Variants in RNF157 observed in about 807,000 individuals in gnomAD.
The protein encoded by RNF157 is ring finger protein 157.
In RNF157, 55 loss-of-function variants were observed where a neutral mutation model predicts 88.3. That is an observed-to-expected ratio of 0.62 (90% CI 0.50 to 0.78). The LOEUF is 0.78. Among genes scored for constraint, RNF157 ranks in the 30% least tolerant of loss-of-function variants. RNF157 has a pLI of 0.00. For missense variants in RNF157, 788 were observed against 860.8 expected (o/e 0.92, Z 1.06); for synonymous variants, 334 against 341.2 (o/e 0.98, Z 0.23).
intron 13 of RNF157, among the ~76,000 whole-genome samples, chr17:76,156,670 C>T (rs369281426): frequency 2.0e-5 from 3 of 152,200 alleles, no homozygotes; most frequent in Admixed American, 6.5e-5. Context: ...TTTCCTTCTG[C>T]GGCAAAAGCA....
At chr17:76,231,221 T>C (rs983128053) in intron 1 of RNF157, among the ~76,000 whole-genome samples, 1 of 152,094 alleles carries the variant, frequency 6.6e-6, no homozygotes, top group African/African-American at 2.4e-5. Context: ...ATGGTCTCGA[T>C]CTCCTGACCT....
intron 1 of RNF157, among the ~76,000 whole-genome samples, chr17:76,233,172 A>G: frequency 6.6e-6 from 1 of 152,074 alleles, no homozygotes; most frequent in East Asian, 1.9e-4. Flanking sequence ...CACCTGCCTC[A>G]GCCTCCCAAA....
intron 17 of RNF157, chr17:76,153,372 T>C (rs190757469): frequency 1.3e-5 from 2 of 152,352 alleles, no homozygotes; most frequent in East Asian, 3.9e-4. Context: ...CTTGGCCAGG[T>C]GGGAGCCGTC....
Position 76,159,393 on chromosome 17 carries a change from G to T in RNF157, c.1246C>A (p.Leu416Ile). Residue 416 changes from leucine (L) to isoleucine (I), a missense_variant, in exon 12 of 19, where the codon CTT (leucine) becomes ATT (isoleucine). Transcript: ENST00000269391. Reference protein sequence around the residue: ...HLPPVRTISPLDRLSDSSSQG... With the variant: ...HLPPVRTISPIDRLSDSSSQG... ...CTGCTGCTGTCAGACAGGCGGTCAA[G>T]AGGCGAGATCGTCCTGACGGGGGGC... 6.2e-7 allele frequency: 1 copy of T among 1,613,472 alleles called. No homozygotes were observed.
rs1228211169 is a variant in RNF157 at position 76,158,445 on chromosome 17, C to T, written c.1361G>A (p.Ser454Asn). The T allele has an allele frequency of 1.2e-6, 2 of 1,613,864 alleles. No homozygotes were observed. Among genetic ancestry groups the T allele is most frequent in the Non-Finnish European group, 1.7e-6 (2 of 1,179,948 alleles). Residue 454 changes from serine (S) to asparagine (N), a missense_variant, in exon 13 of 19, where the codon AGC becomes AAC. Physicochemically the swap from Ser to Asn is conservative, Grantham distance 46. Coordinates refer to ENST00000269391, the MANE Select transcript of RNF157 (RefSeq NM_052916.3). Reference protein sequence around the residue: ...LHEEEDEHSCSESETQLSQRP... With the variant: ...LHEEEDEHSCNESETQLSQRP... ...CTGAGAGAGCTGTGTCTCCGACTCG[C>T]TGCAGGAATGCTCATCTTCCTCTTC...
intron 2 of RNF157, among the ~76,000 whole-genome samples, chr17:76,205,681 T>G (rs1246248790): frequency 2.6e-5 from 4 of 151,914 alleles, no homozygotes; most frequent in Non-Finnish European, 4.4e-5. Context: ...GCCAAGATCG[T>G]GCCACTGCAC....
At chr17:76,239,294 T>C (rs1014840290) in intron 1 of RNF157, among the ~76,000 whole-genome samples, 1 of 152,228 alleles carries the variant, frequency 6.6e-6, no homozygotes, top group African/African-American at 2.4e-5. Flanking sequence ...CTTGTGATTC[T>C]CTGCTTTGCT....
rs528712711 is a variant in RNF157, at chr17:76,195,974, C to G, written c.207+16390G>C. On this transcript the variant is annotated intron_variant, in intron 2 of 18. Transcript: ENST00000269391. This position sits in a 1 kb window ranked among gnomAD's most constrained non-coding sequence, Gnocchi z 4.4. ...CTTTCATGGCAATGACCCAATGACC[C>G]GGAAGGTACTATCCTTCTTGAAATT... 2.8e-4 allele frequency among the ~76,000 whole-genome samples: 43 copies of G among 152,278 alleles called. No individual in the cohort carries two copies. Among genetic ancestry groups the G allele is most frequent in the African/African-American group, 1.0e-3 (42 of 41,552 alleles).
intron 1 of RNF157, among the ~76,000 whole-genome samples, chr17:76,223,603 T>C (rs2070027245): frequency 6.6e-6 from 1 of 152,180 alleles, no homozygotes; most frequent in Non-Finnish European, 1.5e-5. Flanking sequence ...AAACCCAAAT[T>C]TTTTTCTTTC....
At chr17:76,155,908 A>G (rs571209335) in intron 14 of RNF157, among the ~76,000 whole-genome samples, 174 bp from the exon 15 acceptor site, 17 of 152,290 alleles carry the variant, frequency 1.1e-4, no homozygotes, top group African/African-American at 3.6e-4. Flanking sequence ...CTGCTCCTTT[A>G]TATTTTAGAG....
intron 18 of RNF157, among the ~76,000 whole-genome samples, chr17:76,151,291 A>AG (rs911274453): frequency 8.5e-5 from 13 of 152,256 alleles, no homozygotes; most frequent in Admixed American, 2.0e-4. Flanking sequence ...GAAGGGCTGG[A>AG]GAAAGTATCT....
In RNF157 at chr17:76,143,678, C is replaced by G. The variant is rs932518780; in HGVS notation, c.*1557G>C. On this transcript the variant is annotated 3_prime_UTR_variant, in exon 19 of 19. Transcript: ENST00000269391. ...ACTAGGCAGTGAGACAGTCACTGCA[C>G]TCCTGGCCTCTGCAGCCACACAGAA... 6.6e-6 allele frequency: 1 copy of G among 152,176 alleles called. No homozygotes were observed. Among genetic ancestry groups the G allele is most frequent in the Admixed American group, 6.5e-5 (1 of 15,278 alleles). 9.4% of individuals were successfully genotyped at this position (152,176 alleles called of 1,614,324 possible).
intron 3 of RNF157, among the ~76,000 whole-genome samples, chr17:76,172,275 C>T (rs2144875054): frequency 6.6e-6 from 1 of 152,116 alleles, no homozygotes; most frequent in South Asian, 2.1e-4. Context: ...GATCGTGCCA[C>T]TGTACTGCAG....
In RNF157 at chr17:76,161,469, T is replaced by C. The variant is rs1938440314; in HGVS notation, c.1065+66A>G. The C allele has an allele frequency of 6.7e-6, 8 of 1,201,490 alleles. No homozygotes were observed. Among genetic ancestry groups the C allele is most frequent in the Middle Eastern group, 2.1e-4 (1 of 4,706 alleles). 74.4% of individuals were successfully genotyped at this position (1,201,490 alleles called of 1,614,324 possible). On this transcript the variant is annotated intron_variant, in intron 11 of 18. Transcript: ENST00000269391. The surrounding 1 kb of genome is among the most constrained non-coding windows in gnomAD (Gnocchi z 4.6). ...TGCTGCAATGCCACGTAGAGAAGCATGAAAAGTTTAAAAAAGCCAATGAGG... is the reference window on the plus strand; with the variant it reads ...TGCTGCAATGCCACGTAGAGAAGCACGAAAAGTTTAAAAAAGCCAATGAGG...
Position 76,212,356 on chromosome 17 carries a change from A to T in RNF157, c.207+8T>A. ...CTCCAAGTAGGAGTAAACTGATTAC[A>T]GCCATACCACAACTGGTCTGTTCCC... On this transcript the variant is annotated splice_region_variant and intron_variant, in intron 2 of 18. Coordinates refer to ENST00000269391, the MANE Select transcript of RNF157 (RefSeq NM_052916.3). 1.3e-6 allele frequency: 2 copies of T among 1,574,300 alleles called. No homozygotes were observed. The highest frequency in any genetic ancestry group is 1.1e-5 in the South Asian group (1 of 90,184).
chr17:76,212,505 A>T, intron 1 of RNF157, 23 bp from the exon 2 acceptor site: 2 of 1,446,220 alleles, frequency 1.4e-6, no homozygotes, highest in Non-Finnish European at 1.9e-6. Flanking sequence ...AAACAAAAAA[A>T]ATCAAACAAG....
At chr17:76,227,050 C>T (rs566740383) in intron 1 of RNF157, among the ~76,000 whole-genome samples, 92 of 151,318 alleles carry the variant, frequency 6.1e-4, no homozygotes, top group African/African-American at 2.0e-3. Flanking sequence ...CGTGCACGTG[C>T]GGAAAAAACT....
intron 18 of RNF157, among the ~76,000 whole-genome samples, chr17:76,149,280 G>A (rs1226694245): frequency 6.6e-6 from 1 of 152,042 alleles, no homozygotes; most frequent in East Asian, 1.9e-4. Flanking sequence ...CAGAGCCCGT[G>A]AGCAAGGTGC....
chr17:76,154,549 C>T, intron 16 of RNF157: 3 of 554,172 alleles, frequency 5.4e-6, no homozygotes, highest in Non-Finnish European at 9.7e-6. Context: ...GCCACATTAC[C>T]CATATATGCT....
Sources: allele counts gnomAD v4.1 joint callset (sites outside exome capture counted in the v4.1 genomes callset), GRCh38; gene constraint gnomAD v4.1.1; non-coding constraint Gnocchi (gnomAD v3.1); transcripts MANE v1.5; gene names NCBI Gene and HGNC (gene_info 2026-07-23, HGNC 2026-07-21).